CCBE1: variants seen among roughly 807,000 people sequenced by gnomAD.
The protein encoded by CCBE1 is collagen and calcium-binding EGF domain-containing protein 1.
In CCBE1, 37 loss-of-function variants were observed where a neutral mutation model predicts 50.0. The observed-to-expected ratio is 0.74, with a 90% CI of 0.57 to 0.97. The LOEUF is 0.97. Ranked by LOEUF, CCBE1 falls within the 50% of genes least tolerant of loss-of-function variation. The probability of loss-of-function intolerance (pLI) is 0.00; values close to 1 mark genes in which losing one functional copy is unlikely to be tolerated. For synonymous variants in CCBE1, 234 were observed against 203.7 expected, an observed-to-expected ratio of 1.15 and a Z score of -1.27; for missense variants, 538 against 523.8, an observed-to-expected ratio of 1.03 and a Z score of -0.26.
chr18:59,589,992 A>G (rs903439579), intron 2 of CCBE1, among the ~76,000 whole-genome samples: 2 of 152,202 alleles, frequency 1.3e-5, no homozygotes, highest in African/African-American at 4.8e-5. Flanking sequence ...TTCTTGATTA[A>G]AAGACACACA....
At chr18:59,615,777 A>G (rs534960753) in intron 2 of CCBE1, among the ~76,000 whole-genome samples, 1 of 152,112 alleles carries the variant, frequency 6.6e-6, no homozygotes, top group East Asian at 1.9e-4. Context: ...TTTACAAGGG[A>G]CCTTTGTTTT....
chr18:59,675,321 TTCTATAATCA>T (rs1250971779), intron 2 of CCBE1, among the ~76,000 whole-genome samples: 2 of 152,186 alleles, frequency 1.3e-5, no homozygotes, highest in African/African-American at 2.4e-5. Flanking sequence ...TACTAAATAG[TTCTATAATCA>T]TCTATAATAT....
rs989762187 is a variant in CCBE1 at position 59,470,021 on chromosome 18, A to T, written c.266-414T>A. 2.6e-5 allele frequency among the ~76,000 whole-genome samples: 4 copies of T among 152,272 alleles called. No individual in the cohort carries two copies. The South Asian group carries it at 6.2e-4, about 24-fold the overall frequency. ...AGCTGGGGTGACAGGCACTGGTGTC[A>T]TCATGTGGGAGGAAGGGCTGGAAGT... On this transcript the variant is annotated intron_variant, in intron 3 of 10. Coordinates refer to ENST00000439986, the MANE Select transcript of CCBE1 (RefSeq NM_133459.4).
intron 7 of CCBE1, among the ~76,000 whole-genome samples, chr18:59,441,470 C>T (rs149023978): frequency 0.061 from 8,606 of 141,588 alleles, 352 homozygotes; most frequent in Non-Finnish European, 0.084. Context: ...GGTGACAAAG[C>T]GAGACTCCAT....
chr18:59,551,264 C>G (rs1232485944), intron 2 of CCBE1, among the ~76,000 whole-genome samples: 1 of 151,988 alleles, frequency 6.6e-6, no homozygotes, highest in African/African-American at 2.4e-5. Flanking sequence ...AATTGTAACA[C>G]AATGGTAAGT....
At chr18:59,645,103 A>T (rs2054039339) in intron 2 of CCBE1, among the ~76,000 whole-genome samples, 1 of 152,122 alleles carries the variant, frequency 6.6e-6, no homozygotes, top group South Asian at 2.1e-4. Context: ...AAAATACAAA[A>T]ATTAGCCAGG....
At chr18:59,583,678 TGTGCGCGCGCGCGC>T (rs1204808959) in intron 2 of CCBE1, among the ~76,000 whole-genome samples, 7 of 58,562 alleles carry the variant, frequency 1.2e-4, no homozygotes, top group South Asian at 7.5e-4. Flanking sequence ...TGTGTGTGTG[TGTGCGCGCGCGCGC>T]GCGCGCGCGT....
chr18:59,438,980 T>A (rs1304058036), intron 9 of CCBE1, among the ~76,000 whole-genome samples: 5 of 151,942 alleles, frequency 3.3e-5, no homozygotes, highest in Non-Finnish European at 7.4e-5. Flanking sequence ...CGAAACCCCG[T>A]CTCTACTAAA....
intron 2 of CCBE1, among the ~76,000 whole-genome samples, chr18:59,513,224 C>T (rs534787520): frequency 4.2e-4 from 64 of 152,308 alleles, no homozygotes; most frequent in African/African-American, 1.5e-3. Context: ...ATGAGAATCG[C>T]TTGAACCGGG....
intron 2 of CCBE1, among the ~76,000 whole-genome samples, chr18:59,567,563 C>G (rs1213541413): frequency 6.6e-6 from 1 of 152,200 alleles, no homozygotes; most frequent in Non-Finnish European, 1.5e-5. Context: ...TTGACTCCAT[C>G]TCAAGACCCA....
chr18:59,607,241 T>A (rs1389054593), intron 2 of CCBE1, among the ~76,000 whole-genome samples: 7 of 152,174 alleles, frequency 4.6e-5, no homozygotes, highest in African/African-American at 1.7e-4. Flanking sequence ...GGCTGACATT[T>A]AGATAAGCAT....
chr18:59,498,364 T>C (rs1207327028), intron 2 of CCBE1, among the ~76,000 whole-genome samples: 1 of 152,182 alleles, frequency 6.6e-6, no homozygotes, highest in East Asian at 1.9e-4. Flanking sequence ...TTTCCGTGAG[T>C]GTGTTTTATC....
chr18:59,696,632 T>TA lies in CCBE1; in HGVS notation c.208dup (p.Tyr70LeufsTer10). On this transcript the variant is annotated frameshift_variant, in exon 2 of 11. Coordinates refer to ENST00000439986, the MANE Select transcript of CCBE1 (RefSeq NM_133459.4). LOFTEE classifies it high-confidence loss of function. Reference sequence around the variant, plus strand: ...CCCGCAGAGCCCCCAGGCTTACCTGTAGCATGTGGTGAGCTCGCCTGAAGA... The same window carrying TA: ...CCCGCAGAGCCCCCAGGCTTACCTGTAAGCATGTGGTGAGCTCGCCTGAAGA... 1 of 1,613,960 alleles carries TA rather than the reference T, an allele frequency of 6.2e-7. No individual in the cohort carries two copies. The highest frequency in any genetic ancestry group is 8.5e-7 in the Non-Finnish European group (1 of 1,179,936).
intron 2 of CCBE1, among the ~76,000 whole-genome samples, chr18:59,513,720 C>T (rs546174901): frequency 9.8e-5 from 15 of 152,292 alleles, no homozygotes; most frequent in East Asian, 3.9e-4. Flanking sequence ...AAAACGGGGA[C>T]GGGCCTGGCA....
intron 2 of CCBE1, chr18:59,666,191 T>C (rs956669491): frequency 6.6e-6 from 1 of 152,192 alleles, no homozygotes; most frequent in African/African-American, 2.4e-5. Context: ...AGCTCCTGTT[T>C]TTAAAACCAT....
intron 2 of CCBE1, among the ~76,000 whole-genome samples, chr18:59,598,809 C>A (rs1244212301): frequency 6.6e-6 from 1 of 152,118 alleles, no homozygotes; most frequent in Non-Finnish European, 1.5e-5. Context: ...TTTTGAAAAC[C>A]CTCTCTACTA....
chr18:59,548,927 A>AC (rs1232606180), intron 2 of CCBE1, among the ~76,000 whole-genome samples: 2 of 151,606 alleles, frequency 1.3e-5, no homozygotes, highest in Non-Finnish European at 2.9e-5. Context: ...ACATGGCAAA[A>AC]CCCCCTATGT....
chr18:59,692,082 A>T (rs1268930200), intron 2 of CCBE1, among the ~76,000 whole-genome samples: 1 of 152,196 alleles, frequency 6.6e-6, no homozygotes, highest in Non-Finnish European at 1.5e-5. Context: ...ATTTGAAAAT[A>T]GCATCTGCAA....
intron 5 of CCBE1, among the ~76,000 whole-genome samples, chr18:59,458,600 A>C (rs949592830): frequency 2.0e-5 from 3 of 152,226 alleles, no homozygotes; most frequent in Admixed American, 2.0e-4. Context: ...AGTGAGATCC[A>C]GAGAGAGACA....
Sources: gnomAD v4.1 joint callset for allele counts (sites outside exome capture counted in the v4.1 genomes callset) on GRCh38, gnomAD v4.1.1 for gene constraint, MANE v1.5 for transcripts, NCBI Gene and HGNC (gene_info 2026-07-23, HGNC 2026-07-21) for gene names.